Variants in RERG observed in about 807,000 individuals in gnomAD.
The protein encoded by RERG is RAS like estrogen regulated growth inhibitor, also known as ras-related and estrogen-regulated growth inhibitor.
Under a neutral mutation model 23.2 loss-of-function variants are expected in RERG, and 25 were observed. The observed-to-expected ratio is 1.08, with a 90% confidence interval of 0.79 to 1.50. The LOEUF is 1.50. RERG is among the 40% of genes most tolerant of loss of function. The probability of loss-of-function intolerance (pLI) is 0.00; values close to 1 mark genes in which losing one functional copy is unlikely to be tolerated. For missense variants in RERG, 253 were observed against 250.1 expected, an observed-to-expected ratio of 1.01 and a Z score of -0.08; for synonymous variants, 81 against 89.1, an observed-to-expected ratio of 0.91 and a Z score of 0.51.
At chr12:15,151,395 C>T (rs918837768) in intron 2 of RERG, among the ~76,000 whole-genome samples, 8 of 152,138 alleles carry the variant, frequency 5.3e-5, no homozygotes, top group African/African-American at 1.2e-4. Flanking sequence ...AGTGTTTCCA[C>T]GCAACAGCCA....
chr12:15,153,360 G>A (rs777179027), intron 2 of RERG, among the ~76,000 whole-genome samples: 31 of 152,140 alleles, frequency 2.0e-4, no homozygotes, highest in Non-Finnish European at 3.8e-4. Flanking sequence ...CAGCAGTATA[G>A]GCTTTGAATG....
chr12:15,135,521 G>T (rs1297750130), intron 2 of RERG, among the ~76,000 whole-genome samples: 1 of 152,166 alleles, frequency 6.6e-6, no homozygotes, highest in Admixed American at 6.5e-5. Flanking sequence ...ACCATTAAGT[G>T]TAAGGTTAGC....
In RERG at chr12:15,111,361, G is replaced by A. The variant is rs776468135; in HGVS notation, c.175C>T (p.Leu59=). Residue 59 remains leucine, a synonymous_variant, in exon 4 of 5, where the codon CTA becomes TTA. Transcript: ENST00000256953. ...IDDEVVSMEI[L]DTAGQEDTIQ... is the part of the protein sequence containing the mutation. ...TTATTCACCTGACCAGCAGTGTCTA[G>A]TATCTCCATGGAAACAACTTCATCA... 6.2e-6 allele frequency: 10 copies of A among 1,612,208 alleles called. No individual in the cohort carries two copies. In the Admixed American group the frequency reaches 1.2e-4, roughly 19 times the overall value.
chr12:15,188,906 A>T (rs1410176856), intron 2 of RERG, among the ~76,000 whole-genome samples: 1 of 152,166 alleles, frequency 6.6e-6, no homozygotes, highest in Non-Finnish European at 1.5e-5. Context: ...TCAGAGTATG[A>T]TGAGAGATCA....
chr12:15,148,847 G>GTTTTTTTTTTTT (rs56033971), intron 2 of RERG, among the ~76,000 whole-genome samples: 1 of 45,530 alleles, frequency 2.2e-5, no homozygotes, highest in African/African-American at 5.9e-5. Context: ...CTTTAACTCT[G>GTTTTTTTTTTTT]TTTTTTTTTT....
chr12:15,218,850 C>T (rs561385488), intron 1 of RERG, among the ~76,000 whole-genome samples: 1 of 152,116 alleles, frequency 6.6e-6, no homozygotes, highest in South Asian at 2.1e-4. Context: ...TCATCATGTG[C>T]ATTGCCTCCT....
intron 2 of RERG, among the ~76,000 whole-genome samples, chr12:15,197,121 G>A (rs1249843698): frequency 6.6e-6 from 1 of 152,090 alleles, no homozygotes; most frequent in South Asian, 2.1e-4. Flanking sequence ...AATATTTACT[G>A]AGCAACTAGA....
rs1418923429 is a variant in RERG at position 15,154,349 on chromosome 12, CTTTTAAAG to C, written c.62-33238_62-33231del. 5 of 152,302 alleles carry C rather than the reference CTTTTAAAG, an allele frequency of 3.3e-5. No individual in the cohort carries two copies. The East Asian group carries it at 9.6e-4, about 29-fold the overall frequency. 9.4% of individuals were successfully genotyped at this position (152,302 alleles called of 1,614,324 possible). A position where few individuals can be genotyped will look rare whatever the true frequency, so the allele number is the denominator to read the frequency against. On this transcript the variant is annotated intron_variant, in intron 2 of 4. Coordinates refer to ENST00000256953, the MANE Select transcript of RERG (RefSeq NM_032918.3). ...ACTGCCATCCACGTAAGGCAAGTTC[CTTTTAAAG>C]TTTGCCAGACCAAAGCAATTAAGAG...
intron 2 of RERG, among the ~76,000 whole-genome samples, chr12:15,211,284 TAC>T (rs56263472): frequency 0.12 from 17,813 of 142,618 alleles, 1,102 homozygotes; most frequent in South Asian, 0.2. Context: ...TGTCATTTTA[TAC>T]ACACACACAC....
intron 3 of RERG, among the ~76,000 whole-genome samples, chr12:15,117,842 C>T (rs1481839668): frequency 1.3e-5 from 2 of 152,018 alleles, no homozygotes; most frequent in Non-Finnish European, 1.5e-5. Context: ...TCCTGTTGTT[C>T]TACAATCAGA....
At chr12:15,124,688 T>C (rs1565510067) in intron 2 of RERG, among the ~76,000 whole-genome samples, 1 of 152,064 alleles carries the variant, frequency 6.6e-6, no homozygotes, top group East Asian at 1.9e-4. Context: ...TCCAAAACTT[T>C]GTAGCATACA....
chr12:15,204,825 T>C (rs1443336822), intron 2 of RERG, among the ~76,000 whole-genome samples: 15 of 151,882 alleles, frequency 9.9e-5, no homozygotes, highest in Admixed American at 9.8e-4. Flanking sequence ...TTACCAAATT[T>C]CACTTTTTAA....
intron 3 of RERG, among the ~76,000 whole-genome samples, chr12:15,115,680 C>CT (rs1302989451): frequency 2.0e-5 from 3 of 152,162 alleles, no homozygotes; most frequent in Admixed American, 6.5e-5. Flanking sequence ...TGGGGGTAGC[C>CT]TGTAAGCCGG....
intron 2 of RERG, among the ~76,000 whole-genome samples, chr12:15,203,082 C>G (rs368689019): frequency 6.6e-6 from 1 of 151,676 alleles, no homozygotes; most frequent in East Asian, 1.9e-4. Context: ...AGCACCTTTT[C>G]AAATACCTGC....
chr12:15,111,827 C>T (rs1863623942), intron 3 of RERG, among the ~76,000 whole-genome samples: 1 of 151,940 alleles, frequency 6.6e-6, no homozygotes, highest in Non-Finnish European at 1.5e-5. Context: ...AGGTGCCTTC[C>T]ACAACACCCA....
intron 4 of RERG, among the ~76,000 whole-genome samples, chr12:15,110,463 CTTTTT>C (rs869218147): frequency 6.8e-5 from 5 of 73,082 alleles, no homozygotes; most frequent in East Asian, 4.6e-4. Flanking sequence ...CCATTTTTTT[CTTTTT>C]TTTTTTTTTT....
At chr12:15,125,498 TAC>T (rs1863921862) in intron 2 of RERG, among the ~76,000 whole-genome samples, 2 of 152,002 alleles carry the variant, frequency 1.3e-5, no homozygotes. Flanking sequence ...TTATAGTACT[TAC>T]AGTTTAACTA....
chr12:15,110,120 T>C (rs1863578525), intron 4 of RERG, among the ~76,000 whole-genome samples: 1 of 152,138 alleles, frequency 6.6e-6, no homozygotes, highest in Non-Finnish European at 1.5e-5. Flanking sequence ...CAAAATGTCG[T>C]GTAGTACCAA....
At chr12:15,197,413 C>T (rs1280167793) in intron 2 of RERG, among the ~76,000 whole-genome samples, 2 of 152,116 alleles carry the variant, frequency 1.3e-5, no homozygotes, top group Non-Finnish European at 2.9e-5. Context: ...ATAGTCTGAG[C>T]AAGGCCAGAA....
Sources: gnomAD v4.1 joint callset for allele counts (sites outside exome capture counted in the v4.1 genomes callset) on GRCh38, gnomAD v4.1.1 for gene constraint, MANE v1.5 for transcripts, NCBI Gene and HGNC (gene_info 2026-07-23, HGNC 2026-07-21) for gene names.